The following NXPH1 variants were observed in gnomAD, a reference collection of about 807,000 sequenced individuals.
NXPH1 encodes neurexophilin-1.
In NXPH1, 5 loss-of-function variants were observed where a neutral mutation model predicts 23.7. That is an observed-to-expected ratio of 0.21 (90% confidence interval 0.11 to 0.44). The LOEUF (loss-of-function observed/expected upper bound fraction) is 0.44, where lower values mean the gene tolerates loss of function less well. Among genes scored for constraint, NXPH1 ranks in the 20% least tolerant of loss-of-function variants. The pLI is 0.99. For synonymous variants in NXPH1, 144 were observed against 122.2 expected, an observed-to-expected ratio of 1.18 and a Z score of -1.18; for missense variants, 324 against 321.6, an observed-to-expected ratio of 1.01 and a Z score of -0.06.
intron 2 of NXPH1, among the ~76,000 whole-genome samples, chr7:8,509,339 TGTG>T (rs1405416024): frequency 1.3e-5 from 2 of 152,154 alleles, no homozygotes; most frequent in Non-Finnish European, 2.9e-5. Flanking sequence ...ATAAATATGA[TGTG>T]GTGGCTAGGA....
At chr7:8,600,613 A>G (rs1819337492) in intron 2 of NXPH1, among the ~76,000 whole-genome samples, 1 of 152,198 alleles carries the variant, frequency 6.6e-6, no homozygotes, top group Non-Finnish European at 1.5e-5. Context: ...CAGAGCAGAA[A>G]TGTGGATTAA....
chr7:8,636,747 A>G (rs548431471), intron 2 of NXPH1, among the ~76,000 whole-genome samples: 1 of 152,352 alleles, frequency 6.6e-6, no homozygotes, highest in Admixed American at 6.5e-5. Flanking sequence ...AATCTTCAAC[A>G]TCAGGTTTGT....
intron 2 of NXPH1, among the ~76,000 whole-genome samples, chr7:8,554,013 T>TG (rs1818316120): frequency 6.6e-6 from 1 of 151,580 alleles, no homozygotes; most frequent in Non-Finnish European, 1.5e-5. Context: ...AAAGCTGAAA[T>TG]GGTTATGTCA....
In NXPH1 at chr7:8,484,446, A is replaced by G. The variant is rs147811607; in HGVS notation, c.54+48679A>G. On this transcript the variant is annotated intron_variant, in intron 2 of 2. Transcript: ENST00000405863. ...GATAGCAGCTGTCAAAGGATATGTA[A>G]TTTTGACAAAGCACTTAGACTTTCT... 4.5e-3 allele frequency among the ~76,000 whole-genome samples: 678 copies of G among 152,212 alleles called. 6 individuals are homozygous for G. The highest frequency in any genetic ancestry group is 0.016 in the African/African-American group (653 of 41,530).
intron 2 of NXPH1, among the ~76,000 whole-genome samples, chr7:8,738,535 C>T (rs1291321665): frequency 6.6e-6 from 1 of 152,166 alleles, no homozygotes; most frequent in Non-Finnish European, 1.5e-5. Context: ...CCAGCTGGAG[C>T]TCTCCTATAT....
Position 8,659,589 on chromosome 7 carries a change from G to T in NXPH1, c.55-91419G>T, listed in dbSNP as rs12668188. Among the ~76,000 whole-genome samples, 4 of 151,972 alleles carry T rather than the reference G, an allele frequency of 2.6e-5. No individual in the cohort carries two copies. The South Asian group carries it at 8.3e-4, about 32-fold the overall frequency. On this transcript the variant is annotated intron_variant, in intron 2 of 2. Coordinates refer to ENST00000405863, the MANE Select transcript of NXPH1 (RefSeq NM_152745.3). ...ACACACCGGGGCCTGTCGTGGGGTG[G>T]GGGCAGTGGGGAGGGATACCATTAG...
chr7:8,723,280 GCT>G (rs756483660), intron 2 of NXPH1, among the ~76,000 whole-genome samples: 16 of 152,126 alleles, frequency 1.1e-4, no homozygotes, highest in Non-Finnish European at 2.1e-4. Context: ...AGTTTGGCAG[GCT>G]CTGTTCTCTG....
intron 2 of NXPH1, among the ~76,000 whole-genome samples, chr7:8,574,992 G>A (rs1006417437): frequency 5.3e-5 from 8 of 152,092 alleles, no homozygotes; most frequent in African/African-American, 1.9e-4. Flanking sequence ...GTACTCCTTC[G>A]ACATTATAGC....
chr7:8,603,224 T>C (rs1426293257), intron 2 of NXPH1, among the ~76,000 whole-genome samples: 2 of 152,192 alleles, frequency 1.3e-5, no homozygotes, highest in Non-Finnish European at 2.9e-5. Context: ...ACATGGGCTA[T>C]GTCCAAATTT....
chr7:8,710,908 C>T lies in NXPH1; in HGVS notation c.55-40100C>T, dbSNP rs527771432. Among the ~76,000 whole-genome samples the T allele has an allele frequency of 4.7e-5, 7 of 149,298 alleles. 1 individual carries two copies. Among genetic ancestry groups the T allele is most frequent in the African/African-American group, 1.8e-4 (7 of 39,840 alleles). On this transcript the variant is annotated intron_variant, in intron 2 of 2. Transcript: ENST00000405863. Reference sequence around the variant, plus strand: ...CGATCTCCTGACCTCATGATCCACCCGCCTCGGCCTCCCAAAGTGCTGGGA... The same window carrying T: ...CGATCTCCTGACCTCATGATCCACCTGCCTCGGCCTCCCAAAGTGCTGGGA...
intron 2 of NXPH1, among the ~76,000 whole-genome samples, chr7:8,559,133 A>C (rs1818402979): frequency 6.6e-6 from 1 of 151,198 alleles, no homozygotes; most frequent in Non-Finnish European, 1.5e-5. Context: ...GATTTTTAAA[A>C]ATTTTTTAGA....
rs1227248012 is a variant in NXPH1, at chr7:8,442,307, G to A, written c.54+6540G>A. On this transcript the variant is annotated intron_variant, in intron 2 of 2. Coordinates refer to ENST00000405863, the MANE Select transcript of NXPH1 (RefSeq NM_152745.3). The surrounding 1 kb of genome is among the most constrained non-coding windows in gnomAD (Gnocchi z 4.6). ...TTCTCCCACAATAAGACAAATTGCT[G>A]CTTAGAAAAACTGAGTGTTTCCTTA... 6.6e-6 allele frequency among the ~76,000 whole-genome samples: 1 copy of A among 152,202 alleles called. No homozygotes were observed. The highest frequency in any genetic ancestry group is 1.5e-5 in the Non-Finnish European group (1 of 68,038).
intron 2 of NXPH1, among the ~76,000 whole-genome samples, chr7:8,506,451 T>A (rs1044790682): frequency 1.7e-4 from 26 of 152,098 alleles, no homozygotes; most frequent in African/African-American, 5.8e-4. Flanking sequence ...ATGTTTGGAG[T>A]GCAATTTGTA....
chr7:8,488,953 A>C (rs1270188077), intron 2 of NXPH1, among the ~76,000 whole-genome samples: 1 of 152,130 alleles, frequency 6.6e-6, no homozygotes, highest in Non-Finnish European at 1.5e-5. Flanking sequence ...TGAATTCTGC[A>C]GTAAGTTCTC....
At chr7:8,574,434 T>A (rs867438171) in intron 2 of NXPH1, among the ~76,000 whole-genome samples, 5 of 152,036 alleles carry the variant, frequency 3.3e-5, no homozygotes, top group Non-Finnish European at 5.9e-5. Context: ...ACATAGATGT[T>A]TTTATGGAGC....
At chr7:8,578,883 A>G (rs1212216593) in intron 2 of NXPH1, among the ~76,000 whole-genome samples, 2 of 152,224 alleles carry the variant, frequency 1.3e-5, no homozygotes, top group Non-Finnish European at 2.9e-5. Context: ...GAAGTGTGGT[A>G]GGTAAAGATG....
Position 8,433,789 on chromosome 7 carries a change from G to A in NXPH1, c.-1077G>A, listed in dbSNP as rs1816139985. On this transcript the variant is annotated 5_prime_UTR_variant, in exon 1 of 3. Transcript: ENST00000405863. This position sits in a 1 kb window ranked among gnomAD's most constrained non-coding sequence, Gnocchi z 6.8. Reference sequence around the variant, plus strand: ...CGGCTGCTCTTCCCGCCACTCCCCTGGGCTTTGCGATCTTCCCTACGCCCC... The same window carrying A: ...CGGCTGCTCTTCCCGCCACTCCCCTAGGCTTTGCGATCTTCCCTACGCCCC... Among the ~76,000 whole-genome samples, 1 of 152,112 alleles carries A rather than the reference G, an allele frequency of 6.6e-6. No individual in the cohort carries two copies. Among genetic ancestry groups the A allele is most frequent in the Admixed American group, 6.5e-5 (1 of 15,274 alleles).
At chr7:8,480,440 A>G (rs1479412424) in intron 2 of NXPH1, among the ~76,000 whole-genome samples, 3 of 152,162 alleles carry the variant, frequency 2.0e-5, no homozygotes, top group Non-Finnish European at 4.4e-5. Flanking sequence ...TGCTCCAGAG[A>G]ATAGCCATGA....
At chr7:8,579,783 T>C (rs1236056084) in intron 2 of NXPH1, among the ~76,000 whole-genome samples, 1 of 152,210 alleles carries the variant, frequency 6.6e-6, no homozygotes, top group African/African-American at 2.4e-5. Context: ...TTTGGCAGTG[T>C]TGCAGAGCAT....
Sources: gnomAD v4.1 joint callset for allele counts (sites outside exome capture counted in the v4.1 genomes callset) on GRCh38, gnomAD v4.1.1 for gene constraint, Gnocchi (gnomAD v3.1) non-coding constraint, MANE v1.5 for transcripts, NCBI Gene and HGNC (gene_info 2026-07-23, HGNC 2026-07-21) for gene names.